Variants in TSNARE1 observed in about 807,000 individuals in gnomAD.
TSNARE1 encodes t-SNARE domain containing 1.
Under a neutral mutation model 62.0 loss-of-function variants are expected in TSNARE1, and 49 were observed. The observed-to-expected ratio is 0.79, with a 90% CI of 0.63 to 1.00. The LOEUF (loss-of-function observed/expected upper bound fraction) is 1.00, where lower values mean the gene tolerates loss of function less well. TSNARE1 is among the 50% of genes least tolerant of loss of function. The pLI is 0.00. For missense variants in TSNARE1, 755 were observed against 700.1 expected (o/e 1.08, Z -0.88); for synonymous variants, 328 against 294.4 (o/e 1.11, Z -1.17).
At chr8:142,272,953 C>G (rs1819847541) in intron 12 of TSNARE1, 1 of 985,364 alleles carries the variant, frequency 1.0e-6, no homozygotes, top group Non-Finnish European at 1.2e-6. Flanking sequence ...ACAGATGCCT[C>G]ATCCCTCCCT....
intron 9 of TSNARE1, among the ~76,000 whole-genome samples, chr8:142,304,257 G>A (rs559013388): frequency 9.2e-5 from 14 of 152,334 alleles, no homozygotes; most frequent in South Asian, 4.1e-4. Context: ...CGCTGGCCTC[G>A]CGCCAAGCCC....
chr8:142,345,689 C>A, intron 3 of TSNARE1, 54 bp downstream of exon 3: 1 of 1,492,162 alleles, frequency 6.7e-7, no homozygotes, highest in Non-Finnish European at 8.9e-7. Context: ...TCAGCACCTG[C>A]ATCTCCAAGC....
intron 4 of TSNARE1, among the ~76,000 whole-genome samples, chr8:142,340,892 A>G (rs1047834009): frequency 1.2e-4 from 18 of 152,268 alleles, no homozygotes; most frequent in African/African-American, 4.1e-4. Context: ...CCAGAGGGGA[A>G]GCCACAGCAC....
Position 142,276,308 on chromosome 8 carries a change from C to T in TSNARE1, c.1364-1445G>A, listed in dbSNP as rs528471415. 8.5e-5 allele frequency: 84 copies of T among 985,444 alleles called. 1 individual carries two copies. In the Middle Eastern group the frequency reaches 2.6e-3, roughly 31 times the overall value. 61.0% of individuals were successfully genotyped at this position (985,444 alleles called of 1,614,324 possible). ...TCTATGTCCTGCCACATTAGGGTCA[C>T]GACCCTCTGAGCCAATGGAGGAGGA... On this transcript the variant is annotated intron_variant, in intron 11 of 13. Coordinates refer to ENST00000524325, the MANE Select transcript of TSNARE1 (RefSeq NM_145003.5).
intron 2 of TSNARE1, among the ~76,000 whole-genome samples, chr8:142,348,530 C>T (rs367804827): frequency 9.1e-3 from 1,228 of 134,582 alleles, no homozygotes; most frequent in East Asian, 0.023. Context: ...CCCGCTCCCG[C>T]CCCAGGCTGC....
chr8:142,333,068 C>T (rs1831279496), intron 4 of TSNARE1, among the ~76,000 whole-genome samples: 1 of 152,216 alleles, frequency 6.6e-6, no homozygotes, highest in Admixed American at 6.5e-5. Context: ...AAGGCAATCC[C>T]CGGGGCCTCT....
rs145206579 is a variant in TSNARE1 at position 142,362,021 on chromosome 8, G to A, written c.-39-7258C>T. On this transcript the variant is annotated intron_variant, in intron 1 of 13. Coordinates refer to ENST00000524325, the MANE Select transcript of TSNARE1 (RefSeq NM_145003.5). Reference sequence around the variant, plus strand: ...AACTGAATGATGGATGAGGCGCCCCGATGGCCTGCAGCAGGAGGGCTTGCT... The same window carrying A: ...AACTGAATGATGGATGAGGCGCCCCAATGGCCTGCAGCAGGAGGGCTTGCT... Among the ~76,000 whole-genome samples, 555 of 152,364 alleles carry A rather than the reference G, an allele frequency of 3.6e-3. 5 individuals carry two copies. Among genetic ancestry groups the A allele is most frequent in the Middle Eastern group, 0.01 (3 of 294 alleles).
At position 142,300,485 on chromosome 8, in the gene TSNARE1, C is replaced by A. The variant is rs1380715973; in HGVS notation, c.1290+1G>T. ...AGCACGCTTGCCCACGCCAGCCTCA[C>A]CTCCATCTGCAGGATGGCCTCCTCC... On this transcript the variant is annotated splice_donor_variant, in intron 10 of 13. Coordinates refer to ENST00000524325, the MANE Select transcript of TSNARE1 (RefSeq NM_145003.5). LOFTEE classifies it high-confidence loss of function. The A allele has an allele frequency of 3.7e-6, 6 of 1,601,208 alleles. No homozygotes were observed. The highest frequency in any genetic ancestry group is 5.1e-6 in the Non-Finnish European group (6 of 1,177,626).
chr8:142,330,829 AC>A, intron 6 of TSNARE1, 71 bp downstream of exon 6: 1 of 1,498,750 alleles, frequency 6.7e-7, no homozygotes. Context: ...GCACAGGAGG[AC>A]CACACTCCCG....
intron 13 of TSNARE1, among the ~76,000 whole-genome samples, chr8:142,221,635 A>G (rs1816214625): frequency 6.6e-6 from 1 of 152,098 alleles, no homozygotes; most frequent in Admixed American, 6.5e-5. Context: ...TCACAAACTC[A>G]TTGACTCGTT....
At chr8:142,282,819 A>G (rs914340386) in intron 11 of TSNARE1, among the ~76,000 whole-genome samples, 3 of 138,308 alleles carry the variant, frequency 2.2e-5, no homozygotes, top group Admixed American at 2.1e-4. Context: ...AGGCGGGACC[A>G]GTGTCTGTCA....
chr8:142,369,657 G>A (rs1348340726), intron 1 of TSNARE1, among the ~76,000 whole-genome samples: 1 of 152,120 alleles, frequency 6.6e-6, no homozygotes, highest in Non-Finnish European at 1.5e-5. Flanking sequence ...GAGGTCGCAG[G>A]GAAATGCCAA....
chr8:142,255,218 C>G (rs1818364153), intron 12 of TSNARE1, among the ~76,000 whole-genome samples: 1 of 151,992 alleles, frequency 6.6e-6, no homozygotes, highest in African/African-American at 2.4e-5. Context: ...ATCCCATTCT[C>G]CCAGTGCCCT....
chr8:142,294,923 G>C (rs962564999), intron 10 of TSNARE1, among the ~76,000 whole-genome samples: 1 of 152,200 alleles, frequency 6.6e-6, no homozygotes, highest in Admixed American at 6.5e-5. Flanking sequence ...AGAGCCACTG[G>C]CCAGGAGGCT....
At chr8:142,293,956 G>A (rs956261703) in intron 10 of TSNARE1, among the ~76,000 whole-genome samples, 3 of 152,168 alleles carry the variant, frequency 2.0e-5, no homozygotes, top group African/African-American at 7.2e-5. Flanking sequence ...CTTTATCTTG[G>A]TCAAATAAAA....
At chr8:142,300,974 T>A (rs887260491) in intron 9 of TSNARE1, among the ~76,000 whole-genome samples, 1 of 81,316 alleles carries the variant, frequency 1.2e-5, no homozygotes, top group Non-Finnish European at 2.6e-5. Flanking sequence ...GAAGGGTCCA[T>A]GCTGCGGCCG....
chr8:142,333,445 G>A (rs553552578), intron 4 of TSNARE1, among the ~76,000 whole-genome samples: 6 of 152,294 alleles, frequency 3.9e-5, no homozygotes, highest in East Asian at 3.9e-4. Context: ...ATAAAAGAAC[G>A]TGGTTTGAGG....
At chr8:142,340,389 A>G (rs889490496) in intron 4 of TSNARE1, among the ~76,000 whole-genome samples, 12 of 152,280 alleles carry the variant, frequency 7.9e-5, no homozygotes, top group South Asian at 6.2e-4. Context: ...CGTCCAGAAC[A>G]GGCAAAGCCG....
intron 1 of TSNARE1, among the ~76,000 whole-genome samples, chr8:142,372,832 C>T (rs1375771558): frequency 6.6e-6 from 1 of 151,934 alleles, no homozygotes; most frequent in Non-Finnish European, 1.5e-5. Context: ...TGTTTCCTTC[C>T]CTGCTGTGCC....
Sources: gnomAD v4.1 joint callset for allele counts (sites outside exome capture counted in the v4.1 genomes callset) on GRCh38, gnomAD v4.1.1 for gene constraint, MANE v1.5 for transcripts, NCBI Gene and HGNC (gene_info 2026-07-23, HGNC 2026-07-21) for gene names.